Variants in PLCB1 observed in about 807,000 individuals in gnomAD.
The protein encoded by PLCB1 is phospholipase C beta 1.
Under a neutral mutation model 161.8 loss-of-function variants are expected in PLCB1, and 46 were observed. The ratio of observed to expected loss-of-function variants is 0.28; its 90% confidence interval spans 0.22 to 0.36. The LOEUF is 0.36. Among genes scored for constraint, PLCB1 ranks in the 10% least tolerant of loss-of-function variants. PLCB1 has a pLI of 1.00. For synonymous variants in PLCB1, 517 were observed against 503.7 expected (o/e 1.03, Z -0.35); for missense variants, 1,016 against 1,472.5 (o/e 0.69, Z 5.07).
At chr20:8,496,016 T>G (rs1386156940) in intron 3 of PLCB1, among the ~76,000 whole-genome samples, 5 of 152,228 alleles carry the variant, frequency 3.3e-5, no homozygotes, top group Admixed American at 3.3e-4. Context: ...CTGAAGGATA[T>G]GAGCCATAAC....
chr20:8,316,325 C>T (rs1357670254), intron 2 of PLCB1, among the ~76,000 whole-genome samples: 1 of 152,140 alleles, frequency 6.6e-6, no homozygotes. Flanking sequence ...GTGAATGAGC[C>T]AGTCCTGAAA....
intron 2 of PLCB1, among the ~76,000 whole-genome samples, chr20:8,309,475 T>C (rs933900696): frequency 6.6e-6 from 1 of 152,198 alleles, no homozygotes; most frequent in African/African-American, 2.4e-5. Context: ...AGTGTTTTTC[T>C]TATGACTGGA....
intron 31 of PLCB1, among the ~76,000 whole-genome samples, chr20:8,869,741 G>A (rs1263390219): frequency 6.6e-6 from 1 of 152,124 alleles, no homozygotes; most frequent in Non-Finnish European, 1.5e-5. Flanking sequence ...TGAGTGTGGC[G>A]GAGCTTAGCT....
Position 8,132,775 on chromosome 20 carries a change from G to A in PLCB1, c.99+25G>A, listed in dbSNP as rs761011536. The A allele has an allele frequency of 1.9e-6, 3 of 1,547,102 alleles. No homozygotes were observed. Among genetic ancestry groups the A allele is most frequent in the Non-Finnish European group, 2.7e-6 (3 of 1,121,920 alleles). ...TGTAAGTATTGGGGCGGCCCGAGTC[G>A]GGGCGCTGGCTCGGGCACCGGGCAG... On this transcript the variant is annotated intron_variant, in intron 1 of 31. Coordinates refer to ENST00000338037, the MANE Select transcript of PLCB1 (RefSeq NM_015192.4). This position sits in a 1 kb window ranked among gnomAD's most constrained non-coding sequence, Gnocchi z 5.2.
At chr20:8,230,655 T>C (rs1158683518) in intron 2 of PLCB1, among the ~76,000 whole-genome samples, 1 of 152,148 alleles carries the variant, frequency 6.6e-6, no homozygotes, top group African/African-American at 2.4e-5. Flanking sequence ...TTAAGTTTAA[T>C]GTCAATTAAA....
At chr20:8,539,278 C>A (rs1364430492) in intron 3 of PLCB1, among the ~76,000 whole-genome samples, 1 of 152,132 alleles carries the variant, frequency 6.6e-6, no homozygotes, top group Non-Finnish European at 1.5e-5. Flanking sequence ...GACCTAGTAT[C>A]TTGAAGACTC....
At chr20:8,527,584 T>C (rs1454218817) in intron 3 of PLCB1, among the ~76,000 whole-genome samples, 1 of 152,074 alleles carries the variant, frequency 6.6e-6, no homozygotes, top group East Asian at 1.9e-4. Flanking sequence ...AGTACAATCA[T>C]TTTATGGGAT....
intron 2 of PLCB1, chr20:8,248,757 C>A (rs1443443684): frequency 6.6e-6 from 1 of 151,898 alleles, no homozygotes; most frequent in Non-Finnish European, 1.5e-5. Flanking sequence ...CCCAGTTAAT[C>A]TTTTGCCAGA....
intron 3 of PLCB1, among the ~76,000 whole-genome samples, chr20:8,447,154 C>A (rs1481065582): frequency 6.6e-6 from 1 of 152,148 alleles, no homozygotes; most frequent in Non-Finnish European, 1.5e-5. Flanking sequence ...CTATACCCTG[C>A]AACAGTCAGA....
chr20:8,232,179 C>T (rs1980078977), intron 2 of PLCB1, among the ~76,000 whole-genome samples: 1 of 151,838 alleles, frequency 6.6e-6, no homozygotes. Flanking sequence ...TGAAAAGCTA[C>T]AGCACTCCAG....
chr20:8,460,481 A>G (rs1981529224), intron 3 of PLCB1, among the ~76,000 whole-genome samples: 2 of 152,220 alleles, frequency 1.3e-5, no homozygotes, highest in African/African-American at 4.8e-5. Context: ...ATCAAAACAC[A>G]AGGTGAATGC....
At chr20:8,863,098 G>A (rs965222322) in intron 31 of PLCB1, among the ~76,000 whole-genome samples, 2 of 152,158 alleles carry the variant, frequency 1.3e-5, no homozygotes, top group Non-Finnish European at 2.9e-5. Context: ...AGTTTCAGCC[G>A]TTTTTGCACC....
chr20:8,751,102 ATTTTT>A (rs368948762), intron 23 of PLCB1: 1 of 183,990 alleles, frequency 5.4e-6, no homozygotes, highest in Non-Finnish European at 1.1e-5. Context: ...AGCCCGGCTA[ATTTTT>A]TTTTTTTTTT....
At chr20:8,156,986 C>T (rs573719020) in intron 2 of PLCB1, among the ~76,000 whole-genome samples, 27 of 152,188 alleles carry the variant, frequency 1.8e-4, no homozygotes, top group African/African-American at 6.5e-4. Context: ...CTTTTTATTC[C>T]TTTTTTCTTC....
At chr20:8,215,545 C>T (rs1979074868) in intron 2 of PLCB1, among the ~76,000 whole-genome samples, 1 of 152,036 alleles carries the variant, frequency 6.6e-6, no homozygotes, top group Non-Finnish European at 1.5e-5. Context: ...CAGCCCCCGT[C>T]CCTCTTGGAG....
chr20:8,240,610 G>A (rs1448364015), intron 2 of PLCB1, among the ~76,000 whole-genome samples: 1 of 151,790 alleles, frequency 6.6e-6, no homozygotes, highest in Non-Finnish European at 1.5e-5. Context: ...GGATACATAG[G>A]GAAGCGTAAA....
chr20:8,523,465 G>GCTCTCTCTCTCTCTCT lies in PLCB1; in HGVS notation c.247-104812_247-104797dup, dbSNP rs1174973173. 3.1e-3 allele frequency among the ~76,000 whole-genome samples: 152 copies of GCTCTCTCTCTCTCTCT among 48,740 alleles called. 3 individuals are homozygous for GCTCTCTCTCTCTCTCT. Among genetic ancestry groups the GCTCTCTCTCTCTCTCT allele is most frequent in the Non-Finnish European group, 4.1e-3 (114 of 27,752 alleles). 32.0% of individuals were successfully genotyped at this position (48,740 alleles called of 152,430 possible). A position where few individuals can be genotyped will look rare whatever the true frequency, so the allele number is the denominator to read the frequency against. On this transcript the variant is annotated intron_variant, in intron 3 of 31. Coordinates refer to ENST00000338037, the MANE Select transcript of PLCB1 (RefSeq NM_015192.4). The stretch of plus-strand genomic sequence containing the variant: ...ACGACAACAAATATATATATATTTG[G>GCTCTCTCTCTCTCTCT]CTCTCTCTCTCTCTCTCTCTCTCTC...
intron 3 of PLCB1, among the ~76,000 whole-genome samples, chr20:8,510,916 A>G (rs1983858656): frequency 6.6e-6 from 1 of 152,172 alleles, no homozygotes; most frequent in African/African-American, 2.4e-5. Context: ...ATGTGATGCT[A>G]TGTGTATATA....
intron 2 of PLCB1, among the ~76,000 whole-genome samples, chr20:8,271,640 G>A (rs1367675692): frequency 5.3e-5 from 8 of 152,210 alleles, no homozygotes; most frequent in African/African-American, 1.9e-4. Flanking sequence ...TTTATAAAAT[G>A]TTTGATTAAT....
Sources: gnomAD v4.1 joint callset for allele counts (sites outside exome capture counted in the v4.1 genomes callset) on GRCh38, gnomAD v4.1.1 for gene constraint, Gnocchi (gnomAD v3.1) non-coding constraint, MANE v1.5 for transcripts, NCBI Gene and HGNC (gene_info 2026-07-23, HGNC 2026-07-21) for gene names.